The following ZNF93 variants were observed in gnomAD, a reference collection of about 807,000 sequenced individuals.
ZNF93 encodes zinc finger protein 93, also known as zinc finger protein 505.
A neutral mutation model predicts 45.0 loss-of-function variants in ZNF93; 29 were observed. The observed-to-expected ratio is 0.64, with a 90% CI of 0.48 to 0.88. The LOEUF (loss-of-function observed/expected upper bound fraction) is 0.88. ZNF93 is among the 40% of genes least tolerant of loss of function. ZNF93 has a pLI of 0.00. For synonymous variants in ZNF93, 223 were observed against 244.6 expected (o/e 0.91, Z 0.82); for missense variants, 578 against 724.0 (o/e 0.80, Z 2.31).
At chr19:19,920,314 G>C (rs1001006574) in intron 3 of ZNF93, among the ~76,000 whole-genome samples, 7 of 152,322 alleles carry the variant, frequency 4.6e-5, no homozygotes, top group African/African-American at 1.7e-4. Context: ...CTTGATCATG[G>C]TGGATAAGCT....
intron 1 of ZNF93, among the ~76,000 whole-genome samples, chr19:19,908,715 T>C (rs894946548): frequency 4.0e-5 from 6 of 151,668 alleles, no homozygotes; most frequent in African/African-American, 1.5e-4. Flanking sequence ...TGGTGGCACA[T>C]GCCTGTAATC....
chr19:19,930,992 G>A (rs11666112), intron 3 of ZNF93, among the ~76,000 whole-genome samples: 23,347 of 151,566 alleles, frequency 0.15, 2,070 homozygotes, highest in East Asian at 0.41. Context: ...TTACTCAATT[G>A]TGGTTGCTAT....
chr19:19,924,561 A>G (rs1447579505), intron 3 of ZNF93, among the ~76,000 whole-genome samples: 1 of 151,244 alleles, frequency 6.6e-6, no homozygotes, highest in Non-Finnish European at 1.5e-5. Flanking sequence ...TCCTCAGGTA[A>G]CTGTGTGGGT....
intron 3 of ZNF93, among the ~76,000 whole-genome samples, chr19:19,930,175 G>T (rs1019649119): frequency 6.6e-6 from 1 of 151,716 alleles, no homozygotes; most frequent in African/African-American, 2.4e-5. Context: ...TGGACAGGGG[G>T]CCCTTCCCTG....
rs189131586 is a variant in ZNF93, at chr19:19,924,637, C to T, written c.226+7982C>T. On this transcript the variant is annotated intron_variant, in intron 3 of 3. Coordinates refer to ENST00000343769, the MANE Select transcript of ZNF93 (RefSeq NM_031218.4). ...TGGGGTTTCATTCCTGTTGCCCAGG[C>T]TGAAGTGCAATGGTGCAATCTAGGC... is the stretch of plus-strand genomic sequence containing the variant. 1.0e-2 allele frequency among the ~76,000 whole-genome samples: 1,500 copies of T among 150,530 alleles called. 15 individuals carry two copies. Among genetic ancestry groups the T allele is most frequent in the South Asian group, 0.029 (140 of 4,780 alleles).
intron 3 of ZNF93, among the ~76,000 whole-genome samples, chr19:19,920,075 T>C (rs1393107810): frequency 6.6e-6 from 1 of 152,204 alleles, no homozygotes; most frequent in African/African-American, 2.4e-5. Context: ...CAGTATGATA[T>C]TGGCTGTGGG....
chr19:19,902,217 TAGTGACTCCA>T (rs1389257122), intron 1 of ZNF93, among the ~76,000 whole-genome samples: 2 of 152,280 alleles, frequency 1.3e-5, no homozygotes. Context: ...AGCTTGAGCC[TAGTGACTCCA>T]AGCTAAGGCT....
chr19:19,901,202 C>G, intron 1 of ZNF93, 111 bp downstream of exon 1: 3 of 1,553,150 alleles, frequency 1.9e-6, no homozygotes, highest in Non-Finnish European at 2.7e-6. Context: ...ACAATCTGCG[C>G]CGGAGTTCTT....
At chr19:19,921,844 T>C (rs1451818123) in intron 3 of ZNF93, among the ~76,000 whole-genome samples, 2 of 152,166 alleles carry the variant, frequency 1.3e-5, no homozygotes, top group African/African-American at 4.8e-5. Flanking sequence ...TGTCTCTGCA[T>C]GTGAGATGGG....
rs774540644 is a variant in ZNF93, at chr19:19,934,725, G to C, written c.1770G>C (p.Glu590Asp). 4 of 1,613,190 alleles carry C rather than the reference G, an allele frequency of 2.5e-6. No homozygotes were observed. Among genetic ancestry groups the C allele is most frequent in the Admixed American group, 3.3e-5 (2 of 59,892 alleles). ...CACATAAGAAAATCCATTCTGGAGA[G>C]AAACCATACGAGTGTGATAAATGTG... ...LSSHKKIHSGEKPYECDKCGK... is the reference protein window; with the variant it reads ...LSSHKKIHSGDKPYECDKCGK... The change falls in exon 4 of 4, where the codon GAG (glutamate) becomes GAC (aspartate). Residue 590 changes from glutamate (E) to aspartate (D), a missense_variant. Transcript: ENST00000343769.
At chr19:19,920,937 C>T (rs924020431) in intron 3 of ZNF93, among the ~76,000 whole-genome samples, 2 of 152,098 alleles carry the variant, frequency 1.3e-5, no homozygotes, top group African/African-American at 4.8e-5. Context: ...GTGTCTCTAT[C>T]TCCTTCAGTT....
intron 1 of ZNF93, chr19:19,907,857 T>C (rs2122163618): frequency 6.6e-6 from 1 of 152,334 alleles, no homozygotes; most frequent in South Asian, 2.1e-4. Context: ...AGTATGAATA[T>C]AAAGCTGCAA....
At position 19,934,861 on chromosome 19, in the gene ZNF93, C is replaced by G; in HGVS notation, c.*43C>G. 6.4e-7 allele frequency: 1 copy of G among 1,553,376 alleles called. No homozygotes were observed. ...CAAAGCCTTCAAGTGGTCCTCACAC[C>G]TTACTATACACTGAGAGTTCTGAAC... On this transcript the variant is annotated 3_prime_UTR_variant, in exon 4 of 4. Transcript: ENST00000343769.
intron 1 of ZNF93, among the ~76,000 whole-genome samples, chr19:19,907,029 C>G (rs940407145): frequency 6.6e-6 from 1 of 150,968 alleles, no homozygotes; most frequent in African/African-American, 2.4e-5. Context: ...ATTCTCTCTT[C>G]TCTTTAGGGA....
At chr19:19,913,706 A>T (rs1486117894) in intron 1 of ZNF93, among the ~76,000 whole-genome samples, 1 of 152,158 alleles carries the variant, frequency 6.6e-6, no homozygotes, top group Admixed American at 6.6e-5. Context: ...TTTCTGCCAG[A>T]AGATGTCATG....
Position 19,934,151 on chromosome 19 carries a change from G to A in ZNF93, c.1196G>A (p.Cys399Tyr), listed in dbSNP as rs1392454724. ...CATACTGGAGAGAAGCCCTACAAAT[G>A]TGAAGAATGTGGCAAAGCCTTTAAG... ...RVHTGEKPYK[C>Y]EECGKAFKYS... is the part of the protein sequence containing the mutation. Residue 399 changes from cysteine to tyrosine, a missense_variant, in exon 4 of 4, where the codon TGT becomes TAT. Around this residue, in one of 3 missense-constraint regions of ZNF93, gnomAD observed 446 missense variants for 547.6 expected, o/e 0.81. Transcript: ENST00000343769. The A allele has an allele frequency of 2.5e-6, 4 of 1,611,542 alleles. No homozygotes were observed. Among genetic ancestry groups the A allele is most frequent in the Non-Finnish European group, 3.4e-6 (4 of 1,179,488 alleles).
intron 1 of ZNF93, among the ~76,000 whole-genome samples, chr19:19,910,363 T>G (rs1357498505): frequency 6.6e-6 from 1 of 152,230 alleles, no homozygotes; most frequent in Non-Finnish European, 1.5e-5. Flanking sequence ...CACAAGTAAT[T>G]ATAAATTAAA....
In ZNF93 at chr19:19,901,110, C is replaced by T; in HGVS notation, c.3+19C>T. 4 of 1,613,440 alleles carry T rather than the reference C, an allele frequency of 2.5e-6. No individual in the cohort carries two copies. Among genetic ancestry groups the T allele is most frequent in the Non-Finnish European group, 3.4e-6 (4 of 1,179,590 alleles). ...AGAAATGGTGAGAGTGCCGGTCCGA[C>T]ATCCCAAGCGACGGGGAGGGGCTGG... On this transcript the variant is annotated intron_variant, in intron 1 of 3. Transcript: ENST00000343769.
chr19:19,910,664 TTTC>T (rs1177947069), intron 1 of ZNF93, among the ~76,000 whole-genome samples: 2 of 151,924 alleles, frequency 1.3e-5, no homozygotes, highest in East Asian at 3.9e-4. Flanking sequence ...TTTTTTTTTT[TTTC>T]ATGTAGACTT....
Sources: allele counts gnomAD v4.1 joint callset (sites outside exome capture counted in the v4.1 genomes callset), GRCh38; gene constraint gnomAD v4.1.1; regional missense constraint gnomAD v4.1.1; transcripts MANE v1.5; gene names NCBI Gene and HGNC (gene_info 2026-07-23, HGNC 2026-07-21).